FAM117B: variants seen among roughly 807,000 people sequenced by gnomAD.
The protein encoded by FAM117B is protein FAM117B.
FAM117B carries 22 observed loss-of-function variants against 52.8 expected under a neutral mutation model. That is an observed-to-expected ratio of 0.42 (90% confidence interval 0.30 to 0.59). FAM117B has a LOEUF of 0.59. FAM117B is among the 20% of genes least tolerant of loss of function. FAM117B has a pLI of 0.22. For missense variants in FAM117B, 678 were observed against 802.6 expected, an observed-to-expected ratio of 0.84 and a Z score of 1.88; for synonymous variants, 309 against 324.1, an observed-to-expected ratio of 0.95 and a Z score of 0.50.
intron 1 of FAM117B, among the ~76,000 whole-genome samples, chr2:202,680,954 A>G (rs1434780582): frequency 6.6e-6 from 1 of 152,236 alleles, no homozygotes; most frequent in Non-Finnish European, 1.5e-5. Context: ...TGATTTATTT[A>G]TGAGTTAATT....
At chr2:202,733,158 G>A (rs1401869121) in intron 4 of FAM117B, among the ~76,000 whole-genome samples, 1 of 152,136 alleles carries the variant, frequency 6.6e-6, no homozygotes, top group Non-Finnish European at 1.5e-5. Context: ...TTTCATTAAG[G>A]ACTTTAAAAG....
Position 202,766,068 on chromosome 2 carries a change from A to G in FAM117B, c.*304A>G. On this transcript the variant is annotated 3_prime_UTR_variant, in exon 8 of 8. Coordinates refer to ENST00000392238, the MANE Select transcript of FAM117B (RefSeq NM_173511.4). ...CGAATTAGACTTCTTTAAAACACAC[A>G]CACACACACACACACACACACACAC... is the stretch of plus-strand genomic sequence containing the variant. 1 of 166,566 alleles carries G rather than the reference A, an allele frequency of 6.0e-6. No individual in the cohort carries two copies. Among genetic ancestry groups the G allele is most frequent in the Non-Finnish European group, 1.1e-5 (1 of 92,936 alleles). 10.3% of individuals were successfully genotyped at this position (166,566 alleles called of 1,614,324 possible).
At chr2:202,693,736 G>A (rs894570242) in intron 1 of FAM117B, among the ~76,000 whole-genome samples, 1 of 152,188 alleles carries the variant, frequency 6.6e-6, no homozygotes, top group Non-Finnish European at 1.5e-5. Context: ...ATCAGGACGT[G>A]TGTATCTATG....
intron 1 of FAM117B, among the ~76,000 whole-genome samples, chr2:202,671,423 C>A (rs1445026375): frequency 6.6e-6 from 1 of 152,244 alleles, no homozygotes; most frequent in Non-Finnish European, 1.5e-5. Flanking sequence ...AAGACATTTA[C>A]TACCTCTTGC....
intron 1 of FAM117B, among the ~76,000 whole-genome samples, chr2:202,658,167 C>T (rs1421472354): frequency 6.6e-6 from 1 of 152,162 alleles, no homozygotes; most frequent in Non-Finnish European, 1.5e-5. Context: ...TTTATTACTT[C>T]ATTTGCACTT....
chr2:202,651,654 G>A (rs536245357), intron 1 of FAM117B, among the ~76,000 whole-genome samples: 53 of 152,174 alleles, frequency 3.5e-4, no homozygotes, highest in African/African-American at 1.2e-3. Flanking sequence ...GATTACAGGC[G>A]TGAGCCACCA....
At position 202,755,613 on chromosome 2, in the gene FAM117B, G is replaced by A. The variant is rs1354071673; in HGVS notation, c.1036G>A (p.Val346Met). 5.6e-6 allele frequency: 9 copies of A among 1,613,984 alleles called. No individual in the cohort carries two copies. The highest frequency in any genetic ancestry group is 1.6e-4 in the Middle Eastern group (1 of 6,080). The part of the protein sequence containing the change: ...KSTGSRFRNS[V>M]EGLNQEIEII... ...AACAGGCTCCCGGTTCCGGAATAGCGTGGAAGGATTGAATCAGGAGATTGA... is the reference window on the plus strand; with the variant it reads ...AACAGGCTCCCGGTTCCGGAATAGCATGGAAGGATTGAATCAGGAGATTGA... Residue 346 changes from valine (V) to methionine (M), a missense_variant, in exon 5 of 8, where the codon GTG becomes ATG. Around this residue, in one of 3 missense-constraint regions of FAM117B, gnomAD observed 583 missense variants for 644.8 expected, o/e 0.90. Transcript: ENST00000392238.
intron 1 of FAM117B, among the ~76,000 whole-genome samples, chr2:202,668,178 A>ATG (rs1690235495): frequency 8.0e-6 from 1 of 124,954 alleles, no homozygotes; most frequent in Non-Finnish European, 1.5e-5. Context: ...CATACATATT[A>ATG]TATTATATAA....
At chr2:202,693,943 A>C (rs1690670016) in intron 1 of FAM117B, among the ~76,000 whole-genome samples, 1 of 152,284 alleles carries the variant, frequency 6.6e-6, no homozygotes, top group East Asian at 1.9e-4. Flanking sequence ...TTGGGGGCTT[A>C]ATCTTAAAGG....
chr2:202,763,105 T>A (rs1276041374), intron 7 of FAM117B, among the ~76,000 whole-genome samples: 1 of 138,606 alleles, frequency 7.2e-6, no homozygotes, highest in South Asian at 2.4e-4. Flanking sequence ...AGAGTCTCAC[T>A]CTGTCGCCCA....
chr2:202,726,108 AC>A lies in FAM117B; in HGVS notation c.847-141del, dbSNP rs907678302. The A allele has an allele frequency of 2.4e-5, 14 of 588,950 alleles. No homozygotes were observed. In the African/African-American group the frequency reaches 2.6e-4, roughly 11 times the overall value. 36.5% of individuals were successfully genotyped at this position (588,950 alleles called of 1,614,324 possible). ...TGTGTAGATGTGTATAAAATTATGAACAAAAAATGAGACTTTGTGATATGGT... is the reference window on the plus strand; with the variant it reads ...TGTGTAGATGTGTATAAAATTATGAAAAAAAATGAGACTTTGTGATATGGT... On this transcript the variant is annotated intron_variant, in intron 3 of 7. Coordinates refer to ENST00000392238, the MANE Select transcript of FAM117B (RefSeq NM_173511.4).
chr2:202,636,130 C>T (rs1224495448), intron 1 of FAM117B, among the ~76,000 whole-genome samples: 19 of 152,196 alleles, frequency 1.2e-4, no homozygotes, highest in Admixed American at 1.2e-3. Flanking sequence ...TTACTGCTTA[C>T]CCTCCCTTGA....
intron 7 of FAM117B, among the ~76,000 whole-genome samples, chr2:202,759,703 G>A (rs538454687): frequency 4.6e-5 from 7 of 151,186 alleles, no homozygotes; most frequent in African/African-American, 2.4e-5. Context: ...GACTACAGGC[G>A]CCTACCACCA....
intron 7 of FAM117B, among the ~76,000 whole-genome samples, chr2:202,761,532 A>G (rs938925737): frequency 1.5e-4 from 22 of 151,340 alleles, no homozygotes; most frequent in African/African-American, 5.3e-4. Context: ...TTTTGTTTTT[A>G]TTTTTTTTCT....
At chr2:202,681,903 A>G (rs924636362) in intron 1 of FAM117B, among the ~76,000 whole-genome samples, 11 of 152,202 alleles carry the variant, frequency 7.2e-5, no homozygotes, top group Non-Finnish European at 1.2e-4. Context: ...TGCCTTTTCC[A>G]AAACCACTCA....
chr2:202,757,559 G>A (rs1691821694), intron 6 of FAM117B, 121 bp downstream of exon 6: 1 of 1,081,090 alleles, frequency 9.2e-7, no homozygotes, highest in Non-Finnish European at 1.3e-6. Context: ...TGTGTTCAAA[G>A]CCTAGGTTTT....
Position 202,697,549 on chromosome 2 carries a change from CT to C in FAM117B, c.753+1531del, listed in dbSNP as rs555378964. On this transcript the variant is annotated intron_variant, in intron 2 of 7. Transcript: ENST00000392238. The stretch of plus-strand genomic sequence containing the variant: ...TTTTTTGAAGATTTTTTTTTTCTTT[CT>C]TTTTTTTTTTTTTCCCCTGAGATAG... Among the ~76,000 whole-genome samples the C allele has an allele frequency of 5.6e-3, 769 of 137,260 alleles. 6 individuals carry two copies. Among genetic ancestry groups the C allele is most frequent in the African/African-American group, 0.012 (453 of 37,706 alleles). 90.0% of individuals were successfully genotyped at this position (137,260 alleles called of 152,430 possible).
At chr2:202,640,410 G>C (rs1689754155) in intron 1 of FAM117B, among the ~76,000 whole-genome samples, 1 of 143,712 alleles carries the variant, frequency 7.0e-6, no homozygotes, top group South Asian at 2.2e-4. Context: ...AAATTCGTTT[G>C]TTTATTGGAG....
chr2:202,701,463 A>G (rs1338527532), intron 2 of FAM117B, among the ~76,000 whole-genome samples: 1 of 152,208 alleles, frequency 6.6e-6, no homozygotes, highest in African/African-American at 2.4e-5. Context: ...AATAATTTTG[A>G]CTTTCCAGTC....
Sources: allele counts gnomAD v4.1 joint callset (sites outside exome capture counted in the v4.1 genomes callset), GRCh38; gene constraint gnomAD v4.1.1; regional missense constraint gnomAD v4.1.1; transcripts MANE v1.5; gene names NCBI Gene and HGNC (gene_info 2026-07-23, HGNC 2026-07-21).